ANKRD36C: variants seen among roughly 807,000 people sequenced by gnomAD.
The protein encoded by ANKRD36C is ankyrin repeat domain-containing protein 36C.
In ANKRD36C, 61 loss-of-function variants were observed where a neutral mutation model predicts 276.4. The ratio of observed to expected loss-of-function variants is 0.22; its 90% CI spans 0.18 to 0.27. The LOEUF (loss-of-function observed/expected upper bound fraction) is 0.27. Ranked by LOEUF, ANKRD36C falls within the 10% of genes least tolerant of loss-of-function variation. ANKRD36C has a pLI of 1.00. For synonymous variants in ANKRD36C, 483 were observed against 680.1 expected (o/e 0.71, Z 4.51); for missense variants, 1,447 against 2,032.3 (o/e 0.71, Z 5.54).
At chr2:95,870,199 C>A (rs999617214) in intron 59 of ANKRD36C, among the ~76,000 whole-genome samples, 4 of 152,194 alleles carry the variant, frequency 2.6e-5, no homozygotes, top group Non-Finnish European at 4.4e-5. Context: ...TGAGAATGGG[C>A]AGACTGCCTA....
At chr2:95,867,613 C>A (rs1675709620) in intron 59 of ANKRD36C, 32 bp from the exon 80 acceptor site, 1 of 1,346,196 alleles carries the variant, frequency 7.4e-7, no homozygotes, top group Non-Finnish European at 1.0e-6. Flanking sequence ...TTCAAAATGT[C>A]CCCAAAATAT....
At chr2:95,947,827 T>A (rs1318984714) in intron 17 of ANKRD36C, among the ~76,000 whole-genome samples, 6 of 152,146 alleles carry the variant, frequency 3.9e-5, no homozygotes, top group Non-Finnish European at 4.4e-5. Context: ...TTCCACAATT[T>A]TTTAAATTAG....
At chr2:95,855,201 A>G (rs1675379587) in intron 63 of ANKRD36C, 65 bp downstream of exon 83, 1 of 1,480,726 alleles carries the variant, frequency 6.8e-7, no homozygotes, top group African/African-American at 1.4e-5. Flanking sequence ...TTCAGCTGTA[A>G]CCAAATATTA....
intron 8 of ANKRD36C, among the ~76,000 whole-genome samples, chr2:95,962,140 T>C (rs1237653925): frequency 6.6e-6 from 1 of 152,012 alleles, no homozygotes; most frequent in African/African-American, 2.4e-5. Context: ...TTCCTGCCAA[T>C]TTCACTGTGG....
chr2:95,948,601 A>G lies in ANKRD36C; in HGVS notation c.1296-5T>C. 4 of 1,534,800 alleles carry G rather than the reference A, an allele frequency of 2.6e-6. No homozygotes were observed. The South Asian group carries it at 3.6e-5, about 14-fold the overall frequency. ...CGGTCCAGTAGGTAGAGACACCTAC[A>G]GAGCAAAAAGATATGAAAAAAATGA... On this transcript the variant is annotated splice_polypyrimidine_tract_variant and splice_region_variant and intron_variant, in intron 16 of 66. Transcript: ENST00000456556.
chr2:95,902,736 C>T lies in ANKRD36C; in HGVS notation c.2654-3400G>A, dbSNP rs950358135. 41 of 1,069,814 alleles carry T rather than the reference C, an allele frequency of 3.8e-5. 2 individuals are homozygous for T. The Admixed American group carries it at 9.4e-4, about 25-fold the overall frequency. 66.3% of individuals were successfully genotyped at this position (1,069,814 alleles called of 1,614,324 possible). A position where few individuals can be genotyped will look rare whatever the true frequency, so the allele number is the denominator to read the frequency against. Reference sequence around the variant, plus strand: ...TCATGTTCCAGACCAGCATCATCATCATCACCCACAAACTTATTTGAAATG... The same window carrying T: ...TCATGTTCCAGACCAGCATCATCATTATCACCCACAAACTTATTTGAAATG... On this transcript the variant is annotated intron_variant, in intron 42 of 66. Coordinates refer to ENST00000456556, the Ensembl canonical transcript of ANKRD36C.
intron 19 of ANKRD36C, among the ~76,000 whole-genome samples, chr2:95,943,964 C>T (rs564054941): frequency 6.6e-6 from 1 of 152,224 alleles, no homozygotes; most frequent in East Asian, 1.9e-4. Flanking sequence ...TTTATTTAAA[C>T]TAGAAATATT....
intron 24 of ANKRD36C, among the ~76,000 whole-genome samples, chr2:95,929,731 G>A (rs1014311735): frequency 3.7e-4 from 56 of 151,438 alleles, no homozygotes; most frequent in Non-Finnish European, 8.0e-4. Context: ...TCAGTGAGAA[G>A]GTACACAATT....
chr2:95,991,636 G>T, exon 1 of ANKRD36C: 1 of 1,614,052 alleles, frequency 6.2e-7, no homozygotes, highest in Non-Finnish European at 8.5e-7. Context: ...ATGGGGTATT[G>T]GGGAAATAAG....
intron 48 of ANKRD36C, among the ~76,000 whole-genome samples, chr2:95,889,029 C>T (rs1676270210): frequency 6.6e-6 from 1 of 151,548 alleles, no homozygotes; most frequent in Non-Finnish European, 1.5e-5. Context: ...TTATCCAAGA[C>T]TTAGCTCCTT....
At chr2:95,980,658 T>C (rs1281453762) in exon 5 of ANKRD36C, 1 of 1,612,392 alleles carries the variant, frequency 6.2e-7, no homozygotes, top group South Asian at 1.1e-5. Flanking sequence ...ACTCTGTTCT[T>C]AGCCTCGCTG....
chr2:95,913,544 GT>G (rs1280340111), intron 40 of ANKRD36C, among the ~76,000 whole-genome samples: 1 of 151,288 alleles, frequency 6.6e-6, no homozygotes, highest in African/African-American at 2.4e-5. Context: ...TCAAATATTT[GT>G]TATGAAAATA....
At chr2:95,908,965 G>A (rs1292858990) in intron 42 of ANKRD36C, among the ~76,000 whole-genome samples, 3 of 151,110 alleles carry the variant, frequency 2.0e-5, no homozygotes, top group Admixed American at 6.6e-5. Context: ...CAATATCAAC[G>A]TGGATATGCC....
chr2:95,924,588 G>C (rs1677356645), intron 30 of ANKRD36C, among the ~76,000 whole-genome samples: 1 of 151,556 alleles, frequency 6.6e-6, no homozygotes, highest in Non-Finnish European at 1.5e-5. Flanking sequence ...CTATTTTAAT[G>C]AAAAAGCCAG....
intron 56 of ANKRD36C, 106 bp from the exon 77 acceptor site, chr2:95,880,729 T>C: frequency 8.0e-6 from 11 of 1,368,084 alleles, no homozygotes; most frequent in Non-Finnish European, 1.1e-5. Flanking sequence ...CCTGTATTAG[T>C]GTAGGGTTTC....
In ANKRD36C at chr2:95,867,696, T is replaced by C. The variant is rs1675711420; in HGVS notation, c.3541-115A>G. The C allele has an allele frequency of 1.1e-5, 16 of 1,482,254 alleles. No homozygotes were observed. The South Asian group carries it at 2.1e-4, about 20-fold the overall frequency. 91.8% of individuals were successfully genotyped at this position (1,482,254 alleles called of 1,614,324 possible). On this transcript the variant is annotated intron_variant, in intron 59 of 66. Transcript: ENST00000456556. ...ATATGAGCACAAACACAGGTACCTG[T>C]TCTGTACTTTTTTTTTAAGCAATTT... is the stretch of plus-strand genomic sequence containing the variant.
chr2:95,980,631 T>C lies in ANKRD36C; in HGVS notation c.731+17A>G, dbSNP rs1319688904. 7 of 1,608,000 alleles carry C rather than the reference T, an allele frequency of 4.4e-6. No homozygotes were observed. Among genetic ancestry groups the C allele is most frequent in the Admixed American group, 1.7e-5 (1 of 59,162 alleles). The stretch of plus-strand genomic sequence containing the variant: ...CTTCAATTTAGTGTTCATTAGCCTT[T>C]TTATGTAAAGACTTACACTCTGTTC... On this transcript the variant is annotated intron_variant, in intron 5 of 66. Transcript: ENST00000456556.
chr2:95,858,007 AT>A (rs1355481350), intron 61 of ANKRD36C, among the ~76,000 whole-genome samples: 1 of 152,026 alleles, frequency 6.6e-6, no homozygotes, highest in Non-Finnish European at 1.5e-5. Context: ...AACTCAACCA[AT>A]TGTCAACCAG....
intron 30 of ANKRD36C, among the ~76,000 whole-genome samples, chr2:95,924,835 A>T (rs1429897997): frequency 6.6e-6 from 1 of 151,600 alleles, no homozygotes; most frequent in Non-Finnish European, 1.5e-5. Context: ...CCTCAGCAGA[A>T]ACCCCAAAAT....
Sources: gnomAD v4.1 joint callset for allele counts (sites outside exome capture counted in the v4.1 genomes callset) on GRCh38, gnomAD v4.1.1 for gene constraint, MANE v1.5 for transcripts, NCBI Gene and HGNC (gene_info 2026-07-23, HGNC 2026-07-21) for gene names.